Variants in STK24 observed in about 807,000 individuals in gnomAD.
STK24 encodes serine/threonine kinase 24, also known as serine/threonine-protein kinase 24.
STK24 carries 21 observed loss-of-function variants against 55.6 expected under a neutral mutation model. That is an observed-to-expected ratio of 0.38 (90% CI 0.27 to 0.54). STK24 has a LOEUF of 0.54. STK24 is among the 20% of genes least tolerant of loss of function. The pLI, the probability that STK24 is intolerant of heterozygous loss-of-function variation, is 0.79. For missense variants in STK24, 383 were observed against 538.4 expected (o/e 0.71, Z 2.86); for synonymous variants, 200 against 215.2 (o/e 0.93, Z 0.62).
At chr13:98,500,498 A>G (rs933661341) in intron 2 of STK24, among the ~76,000 whole-genome samples, 10 of 152,196 alleles carry the variant, frequency 6.6e-5, no homozygotes, top group African/African-American at 2.4e-4. Context: ...AGCTCTGAGA[A>G]TACTGTAACA....
Position 98,445,938 on chromosome 13 carries a change from C to A in STK24, c.*7235G>T, listed in dbSNP as rs1892806011. 2 of 585,706 alleles carry A rather than the reference C, an allele frequency of 3.4e-6. No individual in the cohort carries two copies. The highest frequency in any genetic ancestry group is 6.1e-6 in the Non-Finnish European group (2 of 326,048). The allele number at this position is 585,706 out of a possible 1,614,324, so 36.3% of individuals were successfully genotyped here. The stretch of plus-strand genomic sequence containing the variant: ...AAGTGATGAGATCAGGGTCCCAGGA[C>A]CTGCCAAGTCTCCCCACACACGGGG... On this transcript the variant is annotated 3_prime_UTR_variant, in exon 11 of 11. Transcript: ENST00000539966.
intron 1 of STK24, among the ~76,000 whole-genome samples, chr13:98,555,793 G>T (rs1897274820): frequency 7.0e-6 from 1 of 143,742 alleles, no homozygotes; most frequent in Non-Finnish European, 1.5e-5. Context: ...CCATTCTCCT[G>T]CCTCAGCCTC....
chr13:98,452,616 ACT>A lies in STK24; in HGVS notation c.*555_*556del, dbSNP rs1229243547. 1 of 152,674 alleles carries A rather than the reference ACT, an allele frequency of 6.5e-6. No individual in the cohort carries two copies. The highest frequency in any genetic ancestry group is 1.5e-5 in the Non-Finnish European group (1 of 68,110). The allele number at this position is 152,674 out of a possible 1,614,324, so 9.5% of individuals were successfully genotyped here. On this transcript the variant is annotated 3_prime_UTR_variant, in exon 11 of 11. Coordinates refer to ENST00000539966, the MANE Select transcript of STK24 (RefSeq NM_001032296.4). ...ACATGTAATAAAGGCAAGGCAATAGACTCAAGTTATGGCCTGTCGAATATTTA... is the reference window on the plus strand; with the variant it reads ...ACATGTAATAAAGGCAAGGCAATAGACAAGTTATGGCCTGTCGAATATTTA...
At chr13:98,543,033 A>G in intron 1 of STK24, 1 of 985,342 alleles carries the variant, frequency 1.0e-6, no homozygotes, top group Non-Finnish European at 1.2e-6. Context: ...CAAAGACTGA[A>G]GCCTCCGGGG....
intron 2 of STK24, among the ~76,000 whole-genome samples, chr13:98,491,691 C>CAAAAAAAA (rs11285292): frequency 7.5e-6 from 1 of 132,736 alleles, no homozygotes. Context: ...ATTACTAAGC[C>CAAAAAAAA]AAAAAAAAAA....
At chr13:98,491,962 A>C (rs891959925) in intron 2 of STK24, among the ~76,000 whole-genome samples, 4 of 152,198 alleles carry the variant, frequency 2.6e-5, no homozygotes, top group African/African-American at 9.7e-5. Context: ...AACATACAGA[A>C]TTAGACAATT....
At chr13:98,562,012 C>T (rs1031579086) in intron 1 of STK24, among the ~76,000 whole-genome samples, 5 of 148,714 alleles carry the variant, frequency 3.4e-5, no homozygotes, top group African/African-American at 7.4e-5. Context: ...AGATGTGACA[C>T]GCCTTGTATT....
chr13:98,492,076 C>CGTGTGTGTGT (rs56956881), intron 2 of STK24, among the ~76,000 whole-genome samples: 30 of 149,522 alleles, frequency 2.0e-4, no homozygotes, highest in African/African-American at 3.0e-4. Flanking sequence ...AGTGCGTGCG[C>CGTGTGTGTGT]GTGTGTGTGT....
intron 10 of STK24, chr13:98,453,606 A>T (rs1255997330): frequency 6.0e-6 from 1 of 167,718 alleles, no homozygotes; most frequent in African/African-American, 2.4e-5. Flanking sequence ...TGGCCATAAA[A>T]ATAGTGATGC....
chr13:98,479,426 GC>G (rs1241873320), intron 3 of STK24, among the ~76,000 whole-genome samples: 3 of 152,036 alleles, frequency 2.0e-5, no homozygotes, highest in African/African-American at 7.2e-5. Context: ...TCCCAAATTT[GC>G]ATTTTTTAAA....
intron 3 of STK24, among the ~76,000 whole-genome samples, chr13:98,479,742 G>A (rs1179367625): frequency 1.3e-5 from 2 of 152,148 alleles, no homozygotes; most frequent in South Asian, 4.1e-4. Flanking sequence ...CACCTCGAGG[G>A]GGCCCGGTGC....
Position 98,446,237 on chromosome 13 carries a change from G to T in STK24, c.*6936C>A. 3.5e-6 allele frequency: 5 copies of T among 1,444,896 alleles called. No individual in the cohort carries two copies. The highest frequency in any genetic ancestry group is 4.9e-6 in the Non-Finnish European group (5 of 1,029,270). 89.5% of individuals were successfully genotyped at this position (1,444,896 alleles called of 1,614,324 possible). On this transcript the variant is annotated 3_prime_UTR_variant, in exon 11 of 11. Transcript: ENST00000539966. ...GTCTCGCACAGGGCAGGTGGCCCTG[G>T]GACCTTGGGGGTGGCAGCATGAGGT...
chr13:98,464,155 C>T (rs1407129923), intron 6 of STK24, among the ~76,000 whole-genome samples: 2 of 152,272 alleles, frequency 1.3e-5, no homozygotes, highest in South Asian at 2.1e-4. Context: ...CAGTGGCTCA[C>T]GCCTGTAATC....
chr13:98,522,078 G>C (rs1896280400), intron 1 of STK24: 5 of 1,366,174 alleles, frequency 3.7e-6, no homozygotes, highest in Non-Finnish European at 4.7e-6. Flanking sequence ...CACCACTGCA[G>C]CCTGGCTCCG....
Position 98,448,490 on chromosome 13 carries a change from A to T in STK24, c.*4683T>A. The T allele has an allele frequency of 1.7e-6, 1 of 603,022 alleles. No homozygotes were observed. Among genetic ancestry groups the T allele is most frequent in the South Asian group, 2.0e-5 (1 of 50,486 alleles). 37.4% of individuals were successfully genotyped at this position (603,022 alleles called of 1,614,324 possible). The stretch of plus-strand genomic sequence containing the variant: ...TTTAACCCCGACCTCTCAGCGTCTG[A>T]ATGAACAGCGCTCCCACCTCCAGTC... On this transcript the variant is annotated 3_prime_UTR_variant, in exon 11 of 11. Coordinates refer to ENST00000539966, the MANE Select transcript of STK24 (RefSeq NM_001032296.4).
chr13:98,547,438 C>T (rs556048525), intron 1 of STK24, among the ~76,000 whole-genome samples: 1 of 152,276 alleles, frequency 6.6e-6, no homozygotes, highest in South Asian at 2.1e-4. Flanking sequence ...GTCCCAGCTA[C>T]TCGGGAGGCT....
At chr13:98,576,198 C>G in intron 1 of STK24, 1 of 985,402 alleles carries the variant, frequency 1.0e-6, no homozygotes, top group Non-Finnish European at 1.2e-6. Flanking sequence ...GTGGAACTCG[C>G]GGTTACCTTC....
intron 5 of STK24, among the ~76,000 whole-genome samples, chr13:98,472,262 G>A (rs1301699078): frequency 2.6e-5 from 4 of 152,166 alleles, no homozygotes; most frequent in Non-Finnish European, 4.4e-5. Context: ...CTCACCACAC[G>A]CCTCCCGGGT....
intron 1 of STK24, among the ~76,000 whole-genome samples, chr13:98,537,036 T>C (rs928595289): frequency 5.9e-5 from 9 of 152,046 alleles, no homozygotes; most frequent in Non-Finnish European, 1.2e-4. Context: ...CCTCCAAAGA[T>C]GAGAAGGGGA....
Sources: allele counts gnomAD v4.1 joint callset (sites outside exome capture counted in the v4.1 genomes callset), GRCh38; gene constraint gnomAD v4.1.1; transcripts MANE v1.5; gene names NCBI Gene and HGNC (gene_info 2026-07-23, HGNC 2026-07-21).